Variants in FAM169A observed in about 807,000 individuals in gnomAD.
The protein encoded by FAM169A is family with sequence similarity 169 member A.
A neutral mutation model predicts 75.7 loss-of-function variants in FAM169A; 24 were observed. The observed-to-expected ratio is 0.32, with a 90% confidence interval of 0.23 to 0.45. The LOEUF (loss-of-function observed/expected upper bound fraction) is 0.45, where lower values mean the gene tolerates loss of function less well. FAM169A is among the 20% of genes least tolerant of loss of function. The pLI is 1.00. For synonymous variants in FAM169A, 271 were observed against 271.0 expected (o/e 1.00, Z 0.00); for missense variants, 673 against 784.0 (o/e 0.86, Z 1.69).
At chr5:74,824,274 A>G (rs1359414658) in intron 5 of FAM169A, among the ~76,000 whole-genome samples, 2 of 152,196 alleles carry the variant, frequency 1.3e-5, no homozygotes, top group African/African-American at 2.4e-5. Flanking sequence ...GTACTTCAAA[A>G]ATAGCGACTA....
chr5:74,847,579 G>T (rs1013889923), intron 1 of FAM169A, among the ~76,000 whole-genome samples: 1 of 152,044 alleles, frequency 6.6e-6, no homozygotes, highest in African/African-American at 2.4e-5. Context: ...TGGTATATTA[G>T]ATTATACATT....
chr5:74,804,750 A>G, intron 7 of FAM169A, 145 bp from the exon 8 acceptor site: 1 of 537,950 alleles, frequency 1.9e-6, no homozygotes, highest in East Asian at 2.9e-5. Flanking sequence ...CTCTTCACCA[A>G]TATCCTATAA....
At chr5:74,789,818 C>CT (rs1177122491) in intron 11 of FAM169A, among the ~76,000 whole-genome samples, 2 of 152,222 alleles carry the variant, frequency 1.3e-5, no homozygotes, top group Admixed American at 6.5e-5. Context: ...GTGGAGGCCT[C>CT]TAAGATTTTG....
intron 11 of FAM169A, among the ~76,000 whole-genome samples, chr5:74,783,519 G>T (rs1197219762): frequency 6.6e-6 from 1 of 152,164 alleles, no homozygotes; most frequent in African/African-American, 2.4e-5. Flanking sequence ...TAGACTTGAT[G>T]CTAGCTCTTT....
chr5:74,800,317 G>C (rs1746506518), intron 10 of FAM169A, among the ~76,000 whole-genome samples: 1 of 151,742 alleles, frequency 6.6e-6, no homozygotes, highest in South Asian at 2.1e-4. Flanking sequence ...CTTTTAAGTA[G>C]TTTATTATGG....
chr5:74,793,750 T>A (rs2112496813), intron 11 of FAM169A, among the ~76,000 whole-genome samples: 1 of 152,270 alleles, frequency 6.6e-6, no homozygotes, highest in East Asian at 1.9e-4. Context: ...AAGCCTATAA[T>A]CCCAGCACTT....
Position 74,813,928 on chromosome 5 carries a change from A to G in FAM169A, c.582T>C (p.Phe194=). Residue 194 remains phenylalanine (F), a synonymous_variant, in exon 6 of 13, where the codon TTT becomes TTC. Transcript: ENST00000687041. ...FLRKKYRGKD[F]GLHMLEDFVD... ...CAAAGTCCTCCAGCATGTGAAGCCCAAAATCTTTACCTCTGTATTTCTTTC... is the reference window on the plus strand; with the variant it reads ...CAAAGTCCTCCAGCATGTGAAGCCCGAAATCTTTACCTCTGTATTTCTTTC... 6.2e-7 allele frequency: 1 copy of G among 1,608,662 alleles called. No homozygotes were observed. The highest frequency in any genetic ancestry group is 8.5e-7 in the Non-Finnish European group (1 of 1,178,560).
chr5:74,788,541 A>G (rs906122971), intron 11 of FAM169A, among the ~76,000 whole-genome samples: 4 of 152,122 alleles, frequency 2.6e-5, no homozygotes, highest in Admixed American at 6.5e-5. Flanking sequence ...CCCCATCTCT[A>G]CTAAAAATAC....
intron 1 of FAM169A, among the ~76,000 whole-genome samples, chr5:74,850,028 A>G (rs1279151485): frequency 6.6e-6 from 1 of 152,194 alleles, no homozygotes; most frequent in Non-Finnish European, 1.5e-5. Flanking sequence ...GCAGGAAGCA[A>G]AACCATCTTT....
At position 74,801,642 on chromosome 5, in the gene FAM169A, G is replaced by A; in HGVS notation, c.913-13C>T. 6.2e-7 allele frequency: 1 copy of A among 1,605,868 alleles called. No homozygotes were observed. ...TTAGAGAATCAATCTAAAAAAGAGA[G>A]AGATTCAAACCCAAAGTTTTAGACT... On this transcript the variant is annotated splice_polypyrimidine_tract_variant and intron_variant, in intron 8 of 12. Coordinates refer to ENST00000687041, the MANE Select transcript of FAM169A (RefSeq NM_001376049.1).
At chr5:74,845,647 ATTCAT>A (rs756107655) in intron 1 of FAM169A, among the ~76,000 whole-genome samples, 8 of 152,234 alleles carry the variant, frequency 5.3e-5, no homozygotes, top group Non-Finnish European at 1.2e-4. Context: ...GAAAGCACAA[ATTCAT>A]TTCAACTGTT....
At chr5:74,788,625 A>G (rs1323911375) in intron 11 of FAM169A, among the ~76,000 whole-genome samples, 2 of 152,038 alleles carry the variant, frequency 1.3e-5, no homozygotes, top group African/African-American at 2.4e-5. Context: ...GAATCGCTTG[A>G]ACCTACGAGG....
Position 74,781,767 on chromosome 5 carries a change from T to C in FAM169A, c.1706A>G (p.Glu569Gly), listed in dbSNP as rs1561283643. The change falls in exon 13 of 13, where the codon GAA (glutamate) becomes GGA (glycine). Residue 569 changes from glutamate to glycine, a missense_variant. By Grantham distance (98) the Glu-to-Gly change is moderately conservative. Coordinates refer to ENST00000687041, the MANE Select transcript of FAM169A (RefSeq NM_001376049.1). Reference sequence around the variant, plus strand: ...AGATACCCCCTCCTCACCCTGGTCTTCCAATGAGGAAGTAGTATTAGGAGA... The same window carrying C: ...AGATACCCCCTCCTCACCCTGGTCTCCCAATGAGGAAGTAGTATTAGGAGA... ...NLSPNTTSSL[E>G]DQGEEGVSEP... is the part of the protein sequence containing the mutation. 6.2e-7 allele frequency: 1 copy of C among 1,614,012 alleles called. No individual in the cohort carries two copies. The highest frequency in any genetic ancestry group is 1.1e-5 in the South Asian group (1 of 91,080).
intron 5 of FAM169A, among the ~76,000 whole-genome samples, chr5:74,833,339 C>CT (rs1458099066): frequency 6.6e-6 from 1 of 152,172 alleles, no homozygotes; most frequent in Non-Finnish European, 1.5e-5. Flanking sequence ...ATTGAAAACT[C>CT]TTTCTCCTCA....
intron 6 of FAM169A, among the ~76,000 whole-genome samples, chr5:74,807,279 G>A (rs1024164084): frequency 4.6e-5 from 7 of 151,994 alleles, no homozygotes; most frequent in Non-Finnish European, 8.8e-5. Context: ...GCCTATAGCC[G>A]GGCAAAATCA....
chr5:74,850,519 G>T (rs1354106080), intron 1 of FAM169A, among the ~76,000 whole-genome samples: 2 of 152,194 alleles, frequency 1.3e-5, no homozygotes, highest in African/African-American at 4.8e-5. Context: ...AAAGGATTTT[G>T]AGAGTGTGTG....
intron 6 of FAM169A, among the ~76,000 whole-genome samples, chr5:74,813,568 C>T (rs896585050): frequency 2.0e-5 from 3 of 151,960 alleles, no homozygotes; most frequent in Admixed American, 6.5e-5. Context: ...TCAGGTGATC[C>T]GCCTGCCTCA....
intron 1 of FAM169A, among the ~76,000 whole-genome samples, chr5:74,842,959 A>G (rs1015713934): frequency 9.9e-5 from 15 of 152,170 alleles, no homozygotes; most frequent in Admixed American, 2.6e-4. Context: ...AATCCATGAA[A>G]AAACTATTCC....
chr5:74,835,330 G>A (rs1030817814), intron 4 of FAM169A, among the ~76,000 whole-genome samples: 11 of 152,094 alleles, frequency 7.2e-5, no homozygotes, highest in South Asian at 2.1e-4. Flanking sequence ...AGGCCAGTAC[G>A]GGGACTCATG....
Sources: gnomAD v4.1 joint callset for allele counts (sites outside exome capture counted in the v4.1 genomes callset) on GRCh38, gnomAD v4.1.1 for gene constraint, MANE v1.5 for transcripts, NCBI Gene and HGNC (gene_info 2026-07-23, HGNC 2026-07-21) for gene names.